The following GOLGA8K variants were observed in gnomAD, a reference collection of about 807,000 sequenced individuals.
GOLGA8K encodes golgin subfamily A member 8K.
In GOLGA8K, 12 loss-of-function variants were observed where a neutral mutation model predicts 75.2. The observed-to-expected ratio is 0.16, with a 90% CI of 0.10 to 0.26. The LOEUF is 0.26. GOLGA8K is among the 10% of genes least tolerant of loss of function. The pLI is 1.00. For missense variants in GOLGA8K, 109 were observed against 640.8 expected (o/e 0.17, Z 8.96); for synonymous variants, 48 against 236.6 (o/e 0.20, Z 7.32).
intron 13 of GOLGA8K, among the ~76,000 whole-genome samples, chr15:32,395,401 C>G (rs2054597056): frequency 2.8e-5 from 4 of 143,330 alleles, no homozygotes; most frequent in African/African-American, 9.9e-5. Context: ...TGTTTTCAGA[C>G]AAGAGTGTCA....
At chr15:32,398,160 A>G in intron 8 of GOLGA8K, among the ~76,000 whole-genome samples, 1 of 116,646 alleles carries the variant, frequency 8.6e-6, no homozygotes, top group South Asian at 2.8e-4. Flanking sequence ...TTATCACAGT[A>G]TGTACACACA....
In GOLGA8K at chr15:32,395,748, G is replaced by A. The variant is rs1441343663; in HGVS notation, c.1200+215C>T. The stretch of plus-strand genomic sequence containing the variant: ...TGTGATTGGGGGCTCCATGCCTCTA[G>A]CTAGGATGATGATGTCCAGACCTGA... On this transcript the variant is annotated intron_variant, in intron 13 of 18. Coordinates refer to ENST00000512626, the MANE Select transcript of GOLGA8K (RefSeq NM_001282493.2). Among the ~76,000 whole-genome samples, 3 of 147,492 alleles carry A rather than the reference G, an allele frequency of 2.0e-5. No homozygotes were observed. The Admixed American group carries it at 2.1e-4, about 10-fold the overall frequency.
intron 8 of GOLGA8K, 84 bp from the exon 9 acceptor site, chr15:32,397,587 C>T: frequency 1.4e-6 from 2 of 1,439,056 alleles, no homozygotes; most frequent in Non-Finnish European, 1.9e-6. Context: ...AGGGCTAGGC[C>T]CAATATACAA....
Position 32,391,722 on chromosome 15 carries a change from A to AGCCT in GOLGA8K, c.*1056_*1059dup, listed in dbSNP as rs1430460494. On this transcript the variant is annotated 3_prime_UTR_variant, in exon 19 of 19. Coordinates refer to ENST00000512626, the MANE Select transcript of GOLGA8K (RefSeq NM_001282493.2). Reference sequence around the variant, plus strand: ...TTCACTCTAATTCATTCTTGACTAGAGCCTGTATGCCTGTTCCAGGGACGT... The same window carrying AGCCT: ...TTCACTCTAATTCATTCTTGACTAGAGCCTGCCTGTATGCCTGTTCCAGGGACGT... Among the ~76,000 whole-genome samples the AGCCT allele has an allele frequency of 2.3e-5, 1 of 43,696 alleles. No individual in the cohort carries two copies. Among genetic ancestry groups the AGCCT allele is most frequent in the East Asian group, 2.3e-3 (1 of 426 alleles). 28.7% of individuals were successfully genotyped at this position (43,696 alleles called of 152,430 possible).
At chr15:32,395,078 T>C (rs892915482) in intron 13 of GOLGA8K, among the ~76,000 whole-genome samples, 31 of 147,140 alleles carry the variant, frequency 2.1e-4, no homozygotes, top group African/African-American at 7.4e-4. Context: ...TGAGGGCATG[T>C]GGTGGCTGGT....
At chr15:32,397,577 A>T (rs1351390548) in intron 8 of GOLGA8K, 74 bp from the exon 9 acceptor site, 2 of 1,476,428 alleles carry the variant, frequency 1.4e-6, no homozygotes, top group Non-Finnish European at 1.9e-6. Context: ...TAACAGGGCT[A>T]GGGCTAGGCC....
Position 32,393,197 on chromosome 15 carries a change from C to A in GOLGA8K, c.1562G>T (p.Gly521Val). Residue 521 changes from glycine (G) to valine (V), a missense_variant and splice_region_variant, in exon 18 of 19, where the codon GGT (glycine) becomes GTT (valine). Gly to Val is a moderately radical substitution (Grantham distance 109). Coordinates refer to ENST00000512626, the MANE Select transcript of GOLGA8K (RefSeq NM_001282493.2). The part of the protein sequence containing the change: ...HQAGAQGGDE[G>V]EAAGAAADGI... The stretch of plus-strand genomic sequence containing the variant: ...ATCTGCTGCAGCTCCAGCAGCTTCA[C>A]CTGGAGGGAGGGGTGCTCAGCTGCC... 6.7e-7 allele frequency: 1 copy of A among 1,485,966 alleles called. No homozygotes were observed. Among genetic ancestry groups the A allele is most frequent in the Non-Finnish European group, 9.0e-7 (1 of 1,112,790 alleles). The allele number at this position is 1,485,966 out of a possible 1,614,324, so 92.0% of individuals were successfully genotyped here.
chr15:32,395,431 G>T (rs1595667869), intron 13 of GOLGA8K, among the ~76,000 whole-genome samples: 1 of 141,560 alleles, frequency 7.1e-6, no homozygotes, highest in Admixed American at 7.4e-5. Flanking sequence ...CCAGGCTGGA[G>T]TGCAGTGGTG....
intron 13 of GOLGA8K, among the ~76,000 whole-genome samples, chr15:32,395,050 G>C (rs2054591436): frequency 1.3e-5 from 2 of 148,958 alleles, no homozygotes; most frequent in Admixed American, 6.9e-5. Context: ...AGCTCCACCT[G>C]CAGGAAGACC....
rs199882591 is a variant in GOLGA8K at position 32,394,653 on chromosome 15, A to G, written c.1276+12T>C. The G allele has an allele frequency of 0.019, 25,933 of 1,397,992 alleles. 1,396 individuals are homozygous for G. Among genetic ancestry groups the G allele is most frequent in the African/African-American group, 0.11 (6,445 of 57,744 alleles). 86.6% of individuals were successfully genotyped at this position (1,397,992 alleles called of 1,614,324 possible). On this transcript the variant is annotated intron_variant, in intron 14 of 18. Coordinates refer to ENST00000512626, the MANE Select transcript of GOLGA8K (RefSeq NM_001282493.2). ...GGGGCTCTCTCCTCTTCCTCTGAGC[A>G]GTCTCCCGTACCTTCCCCAGGGAGA...
In GOLGA8K at chr15:32,397,455, T is replaced by C. The variant is rs1187396717; in HGVS notation, c.640A>G (p.Met214Val). The C allele has an allele frequency of 4.5e-6, 7 of 1,544,750 alleles. No homozygotes were observed. The South Asian group carries it at 5.6e-5, about 12-fold the overall frequency. Residue 214 changes from methionine to valine, a missense_variant, in exon 9 of 19, where the codon ATG becomes GTG. Met to Val is a conservative substitution (Grantham distance 21). Coordinates refer to ENST00000512626, the MANE Select transcript of GOLGA8K (RefSeq NM_001282493.2). The part of the protein sequence containing the change: ...ARTEWKLEQS[M>V]REEALLKVQL... Reference sequence around the variant, plus strand: ...ACTTTCAGTAGTGCCTCCTCCCGCATGGACTGCTCTAACTTCCACTCCGTA... The same window carrying C: ...ACTTTCAGTAGTGCCTCCTCCCGCACGGACTGCTCTAACTTCCACTCCGTA...
Position 32,394,187 on chromosome 15 carries a change from G to A in GOLGA8K, c.1323C>T (p.Pro441=). ...LDSEGEEAPQ[P]MPSVPEDLES... is the part of the protein sequence containing the mutation. ...CCAGGTCCTCTGGGACACTCGGCAT[G>A]GGCTGAGGTGCCTCCTCCCCCTCAC... Residue 441 remains proline (P), a synonymous_variant, in exon 15 of 19, where the codon CCC becomes CCT. Transcript: ENST00000512626. The A allele has an allele frequency of 2.2e-6, 3 of 1,392,162 alleles. 1 individual carries two copies. The highest frequency in any genetic ancestry group is 2.9e-6 in the Non-Finnish European group (3 of 1,049,148). 86.2% of individuals were successfully genotyped at this position (1,392,162 alleles called of 1,614,324 possible).
chr15:32,398,305 C>G (rs1465825867), intron 8 of GOLGA8K, among the ~76,000 whole-genome samples: 2 of 147,696 alleles, frequency 1.4e-5, no homozygotes, highest in African/African-American at 5.0e-5. Context: ...CCCAAGACCA[C>G]AGACAGGTAA....
At position 32,391,538 on chromosome 15, in the gene GOLGA8K, T is replaced by C. The variant is rs1289658587; in HGVS notation, c.*1244A>G. Among the ~76,000 whole-genome samples, 2 of 115,176 alleles carry C rather than the reference T, an allele frequency of 1.7e-5. No homozygotes were observed. Among genetic ancestry groups the C allele is most frequent in the African/African-American group, 5.2e-5 (2 of 38,156 alleles). 75.6% of individuals were successfully genotyped at this position (115,176 alleles called of 152,430 possible). The stretch of plus-strand genomic sequence containing the variant: ...AATGTTTCTATTATTTTTTAAAGTG[T>C]TTTCCATTCAAGGAAAAAGAAGTAA... On this transcript the variant is annotated 3_prime_UTR_variant, in exon 19 of 19. Coordinates refer to ENST00000512626, the MANE Select transcript of GOLGA8K (RefSeq NM_001282493.2).
rs764243326 is a variant in GOLGA8K at position 32,397,482 on chromosome 15, G to A, written c.613C>T (p.Arg205Cys). 58 of 1,527,840 alleles carry A rather than the reference G, an allele frequency of 3.8e-5. 2 individuals are homozygous for A. Among genetic ancestry groups the A allele is most frequent in the South Asian group, 3.6e-4 (32 of 88,096 alleles). The allele number at this position is 1,527,840 out of a possible 1,614,324, so 94.6% of individuals were successfully genotyped here. A position where few individuals can be genotyped will look rare whatever the true frequency, so the allele number is the denominator to read the frequency against. Reference sequence around the variant, plus strand: ...GACTGCTCTAACTTCCACTCCGTACGTGCTTTGCTGCGGCTGGACAACTGG... The same window carrying A: ...GACTGCTCTAACTTCCACTCCGTACATGCTTTGCTGCGGCTGGACAACTGG... ...ANQLSSRSKARTEWKLEQSMR... is the reference protein window; with the variant it reads ...ANQLSSRSKACTEWKLEQSMR... Residue 205 changes from arginine (R) to cysteine (C), a missense_variant, in exon 9 of 19, where the codon CGT becomes TGT. By Grantham distance (180) the Arg-to-Cys change is radical. Coordinates refer to ENST00000512626, the MANE Select transcript of GOLGA8K (RefSeq NM_001282493.2).
Position 32,390,026 on chromosome 15 carries a change from G to T in GOLGA8K, c.*2756C>A, listed in dbSNP as rs2054525870. On this transcript the variant is annotated 3_prime_UTR_variant, in exon 19 of 19. Coordinates refer to ENST00000512626, the MANE Select transcript of GOLGA8K (RefSeq NM_001282493.2). Reference sequence around the variant, plus strand: ...TTTTTCATTTCTGGAAAATTATCAGGTTGAATCAAATACTTTTAAAATGAT... The same window carrying T: ...TTTTTCATTTCTGGAAAATTATCAGTTTGAATCAAATACTTTTAAAATGAT... 1.3e-5 allele frequency among the ~76,000 whole-genome samples: 1 copy of T among 77,672 alleles called. No individual in the cohort carries two copies. Among genetic ancestry groups the T allele is most frequent in the Non-Finnish European group, 2.8e-5 (1 of 35,500 alleles). 51.0% of individuals were successfully genotyped at this position (77,672 alleles called of 152,430 possible). A position where few individuals can be genotyped will look rare whatever the true frequency, so the allele number is the denominator to read the frequency against.
At chr15:32,398,308 A>C (rs2912168) in intron 8 of GOLGA8K, among the ~76,000 whole-genome samples, 10,927 of 141,624 alleles carry the variant, frequency 0.077, 281 homozygotes, top group African/African-American at 0.13. Flanking sequence ...AAGACCACAG[A>C]CAGGTAAGGG....
In GOLGA8K at chr15:32,397,214, T is replaced by C; in HGVS notation, c.775A>G (p.Met259Val). ...RARWQQRMRKMSQEICTLKKE... is the reference protein window; with the variant it reads ...RARWQQRMRKVSQEICTLKKE... Reference sequence around the variant, plus strand: ...GGGTCAGATCTCACCTCCTGCGACATTTTTCTCATCCTCTGCTGCCACCGG... The same window carrying C: ...GGGTCAGATCTCACCTCCTGCGACACTTTTCTCATCCTCTGCTGCCACCGG... The change falls in exon 10 of 19, where the codon ATG becomes GTG. Residue 259 changes from methionine to valine, a missense_variant. By Grantham distance (21) the Met-to-Val change is conservative. Transcript: ENST00000512626. The C allele has an allele frequency of 1.4e-6, 2 of 1,430,830 alleles. No individual in the cohort carries two copies. The allele number at this position is 1,430,830 out of a possible 1,614,324, so 88.6% of individuals were successfully genotyped here.
At chr15:32,401,592 C>G in intron 1 of GOLGA8K, 117 bp from the exon 2 acceptor site, 2 of 494,994 alleles carry the variant, frequency 4.0e-6, no homozygotes, top group Non-Finnish European at 6.6e-6. Context: ...ACACCAACAA[C>G]TGTACAAGGT....
Sources: gnomAD v4.1 joint callset for allele counts (sites outside exome capture counted in the v4.1 genomes callset) on GRCh38, gnomAD v4.1.1 for gene constraint, MANE v1.5 for transcripts, NCBI Gene and HGNC (gene_info 2026-07-23, HGNC 2026-07-21) for gene names.